The following PCBP2 variants were observed in gnomAD, a reference collection of about 807,000 sequenced individuals.
PCBP2 encodes the protein poly(rC)-binding protein 2.
PCBP2 carries 4 observed loss-of-function variants against 50.1 expected under a neutral mutation model. The ratio of observed to expected loss-of-function variants is 0.08; its 90% CI spans 0.04 to 0.18. The LOEUF is 0.18. Ranked by LOEUF, PCBP2 falls within the 10% of genes least tolerant of loss-of-function variation. The pLI is 1.00. For missense variants in PCBP2, 161 were observed against 474.3 expected (o/e 0.34, Z 6.14); for synonymous variants, 179 against 168.0 (o/e 1.07, Z -0.51).
chr12:53,464,930 G>A, intron 9 of PCBP2, 78 bp downstream of exon 9: 1 of 1,458,728 alleles, frequency 6.9e-7, no homozygotes, highest in Non-Finnish European at 9.0e-7. Flanking sequence ...CGGGGGGCCA[G>A]TGGCGCTGGT....
At chr12:53,462,745 CAGGCAATGGAAGTTTTGT>C (rs1941536097) in intron 8 of PCBP2, among the ~76,000 whole-genome samples, 178 bp downstream of exon 8, 1 of 152,154 alleles carries the variant, frequency 6.6e-6, no homozygotes. Flanking sequence ...TAATTTTTAG[CAGGCAATGGAAGTTTTGT>C]AGGCACTCGG....
chr12:53,453,646 CAT>C (rs996755984), intron 1 of PCBP2, among the ~76,000 whole-genome samples: 22 of 152,240 alleles, frequency 1.4e-4, no homozygotes, highest in African/African-American at 5.1e-4. Context: ...AGAGAGATGA[CAT>C]GTTGAGTTTT....
intron 8 of PCBP2, among the ~76,000 whole-genome samples, chr12:53,463,157 A>T (rs1941570689): frequency 1.3e-5 from 2 of 152,168 alleles, no homozygotes; most frequent in South Asian, 4.1e-4. Context: ...GGGGGTGAGC[A>T]TGTTGGGCTG....
In PCBP2 at chr12:53,479,815, A is replaced by C. The variant is rs1942940820; in HGVS notation, c.*373A>C. The C allele has an allele frequency of 6.0e-6, 1 of 167,078 alleles. No homozygotes were observed. The highest frequency in any genetic ancestry group is 1.7e-4 in the South Asian group (1 of 5,760). The allele number at this position is 167,078 out of a possible 1,614,324, so 10.3% of individuals were successfully genotyped here. A position where few individuals can be genotyped will look rare whatever the true frequency, so the allele number is the denominator to read the frequency against. The stretch of plus-strand genomic sequence containing the variant: ...ACTGGAGCTTTTTCTTTGTGAATAG[A>C]AACTGGATGCCACAGTGATTCATGT... On this transcript the variant is annotated 3_prime_UTR_variant, in exon 15 of 15. Transcript: ENST00000546463.
chr12:53,457,599 G>A (rs1333415106), intron 5 of PCBP2, among the ~76,000 whole-genome samples: 3 of 152,042 alleles, frequency 2.0e-5, no homozygotes, highest in Non-Finnish European at 2.9e-5. Context: ...TCCTGTCTCA[G>A]CCTCCCAAAG....
intron 6 of PCBP2, chr12:53,459,975 T>A (rs1346241650): frequency 2.5e-6 from 1 of 395,694 alleles, no homozygotes; most frequent in Admixed American, 2.5e-5. Context: ...CCCAGGCTGG[T>A]TTCGAACTCC....
chr12:53,473,421 AAGTTTTC>A (rs1379707635), intron 14 of PCBP2, among the ~76,000 whole-genome samples: 5 of 152,188 alleles, frequency 3.3e-5, no homozygotes, highest in Non-Finnish European at 5.9e-5. Flanking sequence ...GGAGGGCAAG[AAGTTTTC>A]AGTTTTCAGT....
chr12:53,460,461 A>G, intron 6 of PCBP2: 1 of 265,882 alleles, frequency 3.8e-6, no homozygotes, highest in African/African-American at 2.3e-5. Context: ...TTCCTGTTTA[A>G]CTATGGAAGT....
Position 53,455,204 on chromosome 12 carries a change from G to A in PCBP2, c.70-143G>A, listed in dbSNP as rs1940906422. 3 of 737,672 alleles carry A rather than the reference G, an allele frequency of 4.1e-6. No homozygotes were observed. In the Admixed American group the frequency reaches 8.6e-5, roughly 21 times the overall value. 45.7% of individuals were successfully genotyped at this position (737,672 alleles called of 1,614,324 possible). The stretch of plus-strand genomic sequence containing the variant: ...TTTGGGGTAATAATTAGCATAGATA[G>A]CAGTCTGTTGGCTAGACAGTTAAAA... On this transcript the variant is annotated intron_variant, in intron 2 of 14. Transcript: ENST00000546463.
chr12:53,459,079 A>G (rs999837314), intron 5 of PCBP2, among the ~76,000 whole-genome samples, 193 bp from the exon 6 acceptor site: 1 of 152,044 alleles, frequency 6.6e-6, no homozygotes, highest in African/African-American at 2.4e-5. Context: ...ATTTTGAGGA[A>G]TTTTTCATGA....
intron 13 of PCBP2, among the ~76,000 whole-genome samples, chr12:53,470,131 T>C (rs1942106881): frequency 6.6e-6 from 1 of 151,920 alleles, no homozygotes; most frequent in Non-Finnish European, 1.5e-5. Context: ...ATGCATATAA[T>C]CCCAGCACTT....
chr12:53,452,425 A>G (rs1268889182), intron 1 of PCBP2, 49 bp downstream of exon 1: 3 of 142,670 alleles, frequency 2.1e-5, no homozygotes, highest in African/African-American at 8.0e-5. Context: ...TACAATTTCC[A>G]CTTTTGTCTT....
intron 8 of PCBP2, among the ~76,000 whole-genome samples, chr12:53,462,826 A>C (rs1257223441): frequency 6.6e-6 from 1 of 152,114 alleles, no homozygotes; most frequent in Non-Finnish European, 1.5e-5. Context: ...GAATTGACTT[A>C]CTGTCTCTAC....
intron 12 of PCBP2, chr12:53,468,339 C>G (rs1941962936): frequency 4.8e-6 from 1 of 207,622 alleles, no homozygotes; most frequent in African/African-American, 2.3e-5. Context: ...TAAAGCAACT[C>G]TGCATGTGTG....
At chr12:53,476,247 T>G (rs1277827991) in intron 14 of PCBP2, among the ~76,000 whole-genome samples, 1 of 152,044 alleles carries the variant, frequency 6.6e-6, no homozygotes, top group African/African-American at 2.4e-5. Flanking sequence ...CTATCAGGAG[T>G]AGGAAGTGAC....
At position 53,470,575 on chromosome 12, in the gene PCBP2, T is replaced by C. The variant is rs111382804; in HGVS notation, c.883-1063T>C. Reference sequence around the variant, plus strand: ...GCATGCCACTATCCCTGGCTAACTTTTTTTGTATTTTTTTTGTAAAGACAA... The same window carrying C: ...GCATGCCACTATCCCTGGCTAACTTCTTTTGTATTTTTTTTGTAAAGACAA... On this transcript the variant is annotated intron_variant, in intron 13 of 14. Transcript: ENST00000546463. Among the ~76,000 whole-genome samples the C allele has an allele frequency of 3.8e-3, 572 of 151,250 alleles. 7 individuals are homozygous for C. The highest frequency in any genetic ancestry group is 0.013 in the African/African-American group (545 of 41,390).
At chr12:53,465,864 C>CT (rs1433893833) in intron 9 of PCBP2, 68 bp from the exon 10 acceptor site, 12 of 1,285,886 alleles carry the variant, frequency 9.3e-6, no homozygotes, top group South Asian at 3.6e-5. Flanking sequence ...GTTGAAATGT[C>CT]TTTTTCCCCC....
At chr12:53,468,569 T>C (rs1941979256) in intron 12 of PCBP2, 4 of 569,452 alleles carry the variant, frequency 7.0e-6, no homozygotes, top group Admixed American at 6.5e-5. Context: ...AAATCAGCTC[T>C]TCTGAGTGTA....
intron 6 of PCBP2, chr12:53,459,969 G>C (rs1006365061): frequency 4.9e-6 from 2 of 406,762 alleles, no homozygotes; most frequent in South Asian, 1.7e-5. Context: ...ATGTGGCCCA[G>C]GCTGGTTTCG....
Sources: gnomAD v4.1 joint callset for allele counts (sites outside exome capture counted in the v4.1 genomes callset) on GRCh38, gnomAD v4.1.1 for gene constraint, MANE v1.5 for transcripts, NCBI Gene and HGNC (gene_info 2026-07-23, HGNC 2026-07-21) for gene names.